Variants in KIF13B observed in about 807,000 individuals in gnomAD.
KIF13B encodes the protein kinesin family member 13B.
In KIF13B, 127 loss-of-function variants were observed where a neutral mutation model predicts 222.0. The ratio of observed to expected loss-of-function variants is 0.57; its 90% CI spans 0.50 to 0.66. The LOEUF is 0.66. Among genes scored for constraint, KIF13B ranks in the 30% least tolerant of loss-of-function variants. The pLI is 0.00. For missense variants in KIF13B, 2,173 were observed against 2,379.0 expected (o/e 0.91, Z 1.80); for synonymous variants, 976 against 919.0 (o/e 1.06, Z -1.12).
At chr8:29,120,051 T>C (rs1465164849) in intron 29 of KIF13B, among the ~76,000 whole-genome samples, 2 of 152,194 alleles carry the variant, frequency 1.3e-5, no homozygotes, top group African/African-American at 4.8e-5. Context: ...TAATCTACTC[T>C]TCCATTTTCT....
At chr8:29,201,859 A>C (rs945307800) in intron 2 of KIF13B, among the ~76,000 whole-genome samples, 1 of 151,868 alleles carries the variant, frequency 6.6e-6, no homozygotes. Flanking sequence ...TTTCTTTGTC[A>C]CTCCTCCCCC....
At chr8:29,221,193 C>G (rs529060932) in intron 2 of KIF13B, among the ~76,000 whole-genome samples, 14 of 150,416 alleles carry the variant, frequency 9.3e-5, no homozygotes, top group East Asian at 2.0e-4. Flanking sequence ...ACCTCCACCC[C>G]CCAGGTTCAA....
chr8:29,193,377 G>T (rs569006794), intron 3 of KIF13B, among the ~76,000 whole-genome samples: 1 of 126,618 alleles, frequency 7.9e-6, no homozygotes, highest in Admixed American at 7.6e-5. Flanking sequence ...GCATCAAACT[G>T]GGGGGAGCTG....
chr8:29,094,831 A>G (rs770333342), intron 36 of KIF13B, among the ~76,000 whole-genome samples: 15 of 152,186 alleles, frequency 9.9e-5, no homozygotes, highest in Non-Finnish European at 2.1e-4. Context: ...GAGAAATTAA[A>G]ACTAGAAAAG....
intron 1 of KIF13B, among the ~76,000 whole-genome samples, chr8:29,256,285 CA>C (rs1816475601): frequency 6.6e-6 from 1 of 152,214 alleles, no homozygotes; most frequent in African/African-American, 2.4e-5. Context: ...TCATCTAAAT[CA>C]GAGACTTTGC....
chr8:29,243,305 C>T (rs1815864385), intron 2 of KIF13B, among the ~76,000 whole-genome samples: 1 of 149,766 alleles, frequency 6.7e-6, no homozygotes, highest in Non-Finnish European at 1.5e-5. Context: ...CCAAGATCGC[C>T]ACCATTTCAC....
At chr8:29,249,465 A>T (rs1289761685) in intron 1 of KIF13B, among the ~76,000 whole-genome samples, 1 of 151,584 alleles carries the variant, frequency 6.6e-6, no homozygotes, top group Non-Finnish European at 1.5e-5. Context: ...ATAAGCTCTA[A>T]GGAAAGGAAC....
At chr8:29,229,221 C>A (rs933900594) in intron 2 of KIF13B, among the ~76,000 whole-genome samples, 3 of 151,572 alleles carry the variant, frequency 2.0e-5, no homozygotes, top group Non-Finnish European at 4.4e-5. Flanking sequence ...TCTGAATTAA[C>A]CAGTTACATT....
chr8:29,186,289 T>C lies in KIF13B; in HGVS notation c.497+3A>G. ...GAAACACTAAAGTCTCAAAGTCCTT[T>C]ACCCTTTGGGATCAAGAAGGTCTCG... On this transcript the variant is annotated splice_donor_region_variant and intron_variant, in intron 6 of 39. Coordinates refer to ENST00000524189, the MANE Select transcript of KIF13B (RefSeq NM_015254.4). 1.2e-6 allele frequency: 2 copies of C among 1,607,846 alleles called. No individual in the cohort carries two copies. The highest frequency in any genetic ancestry group is 1.7e-6 in the Non-Finnish European group (2 of 1,176,444).
intron 32 of KIF13B, among the ~76,000 whole-genome samples, chr8:29,112,217 G>A (rs202110702): frequency 6.6e-6 from 1 of 152,108 alleles, no homozygotes; most frequent in African/African-American, 2.4e-5. Flanking sequence ...GGCGGATCAC[G>A]AGGTCAGGAG....
chr8:29,158,479 C>CT (rs1471375754), intron 13 of KIF13B, among the ~76,000 whole-genome samples: 1 of 152,100 alleles, frequency 6.6e-6, no homozygotes, highest in African/African-American at 2.4e-5. Flanking sequence ...TTCTAGAAGA[C>CT]TAAGAGAACT....
intron 1 of KIF13B, among the ~76,000 whole-genome samples, chr8:29,248,099 G>A (rs1816115651): frequency 6.6e-6 from 1 of 152,120 alleles, no homozygotes; most frequent in African/African-American, 2.4e-5. Context: ...TTACTGGTGA[G>A]AATGTAAAAT....
At chr8:29,073,344 G>A (rs1038516237) in intron 38 of KIF13B, among the ~76,000 whole-genome samples, 7 of 152,166 alleles carry the variant, frequency 4.6e-5, no homozygotes, top group Admixed American at 2.6e-4. Context: ...TCCTCATGTC[G>A]GTCACTCTGT....
intron 10 of KIF13B, among the ~76,000 whole-genome samples, chr8:29,173,466 G>GA (rs57480607): frequency 0.75 from 105,799 of 140,372 alleles, 41,643 homozygotes; most frequent in Non-Finnish European, 0.88. Context: ...ACTAAAAATT[G>GA]AAAAAAAAAA....
intron 2 of KIF13B, among the ~76,000 whole-genome samples, chr8:29,203,612 G>A (rs1208733083): frequency 6.6e-6 from 1 of 152,114 alleles, no homozygotes; most frequent in Non-Finnish European, 1.5e-5. Context: ...CAGAAAATGC[G>A]CCAGGTGCGG....
intron 17 of KIF13B, 48 bp from the exon 18 acceptor site, chr8:29,146,588 A>G (rs1476354015): frequency 2.5e-5 from 39 of 1,536,792 alleles, no homozygotes; most frequent in Non-Finnish European, 3.5e-5. Flanking sequence ...GATTAACACA[A>G]AGCAGCTAGT....
At chr8:29,083,623 C>A (rs370289037) in intron 37 of KIF13B, among the ~76,000 whole-genome samples, 1 of 152,154 alleles carries the variant, frequency 6.6e-6, no homozygotes, top group African/African-American at 2.4e-5. Context: ...TGGGGCAAGG[C>A]TAGACAGCAA....
Position 29,111,892 on chromosome 8 carries a change from CAA to C in KIF13B, c.3930+1569_3930+1570del, listed in dbSNP as rs1248755548. On this transcript the variant is annotated intron_variant, in intron 32 of 39. Transcript: ENST00000524189. ...GTATACTTGTTTTAAATCTTACAAA[CAA>C]GAGTGAATGAAGCACACAGAGCAAT... Among the ~76,000 whole-genome samples, 5 of 152,206 alleles carry C rather than the reference CAA, an allele frequency of 3.3e-5. No homozygotes were observed. In the South Asian group the frequency reaches 6.2e-4, roughly 19 times the overall value.
chr8:29,171,824 C>A (rs113248598), intron 10 of KIF13B, among the ~76,000 whole-genome samples: 6,592 of 138,838 alleles, frequency 0.047, 321 homozygotes, highest in African/African-American at 0.13. Flanking sequence ...GTGGCATGGT[C>A]TTGGCTCACT....
Sources: gnomAD v4.1 joint callset for allele counts (sites outside exome capture counted in the v4.1 genomes callset) on GRCh38, gnomAD v4.1.1 for gene constraint, MANE v1.5 for transcripts, NCBI Gene and HGNC (gene_info 2026-07-23, HGNC 2026-07-21) for gene names.